The following NCR1 variants were observed in gnomAD, a reference collection of about 807,000 sequenced individuals.
NCR1 encodes NK cell-activating receptor.
In NCR1, 30 loss-of-function variants were observed where a neutral mutation model predicts 32.5. The observed-to-expected ratio is 0.92, with a 90% CI of 0.69 to 1.25. The LOEUF is 1.25. NCR1 is among the 50% of genes most tolerant of loss of function. The probability of loss-of-function intolerance (pLI) is 0.00; values close to 1 mark genes in which losing one functional copy is unlikely to be tolerated. For synonymous variants in NCR1, 169 were observed against 143.4 expected, an observed-to-expected ratio of 1.18 and a Z score of -1.28; for missense variants, 369 against 380.7, an observed-to-expected ratio of 0.97 and a Z score of 0.26.
chr19:54,937,209 C>T, the NCR1 span, among the ~76,000 whole-genome samples: 8 of 146,238 alleles, frequency 5.5e-5, no homozygotes, highest in Non-Finnish European at 9.0e-5. Flanking sequence ...CATAGCGAGA[C>T]TGTCTCAAAA....
At chr19:54,906,966 G>A (rs1437251165) in intron 3 of NCR1, among the ~76,000 whole-genome samples, 159 bp downstream of exon 3, 1 of 152,178 alleles carries the variant, frequency 6.6e-6, no homozygotes, top group East Asian at 1.9e-4. Context: ...ACAAGGGGTT[G>A]TCTGCAGACC....
At chr19:54,927,850 G>T in the NCR1 span, 1 of 1,342,766 alleles carries the variant, frequency 7.4e-7, no homozygotes. Context: ...CCAACACTTC[G>T]GGAGGCCAAG....
the NCR1 span, among the ~76,000 whole-genome samples, chr19:54,899,876 C>T: frequency 0.12 from 17,727 of 152,112 alleles, 1,135 homozygotes; most frequent in South Asian, 0.17. Flanking sequence ...CCATGACCGG[C>T]GCTGGAGTTT....
At chr19:54,903,398 ATATG>A (rs202006046), upstream of NCR1, among the ~76,000 whole-genome samples, 711 of 144,950 alleles carry the variant, frequency 4.9e-3, 9 homozygotes, top group Non-Finnish European at 8.2e-3. Flanking sequence ...ACATATATGT[ATATG>A]TATGTATACA....
chr19:54,937,900 CAAAAAAAAAA>C, the NCR1 span: 3 of 511,368 alleles, frequency 5.9e-6, no homozygotes, highest in South Asian at 2.0e-5. Context: ...TCCGTCTCAC[CAAAAAAAAAA>C]AAAAAAAAAA....
At chr19:54,936,749 T>C in the NCR1 span, among the ~76,000 whole-genome samples, 3 of 152,028 alleles carry the variant, frequency 2.0e-5, no homozygotes, top group Non-Finnish European at 4.4e-5. Context: ...GCCCCGTCTC[T>C]ACTAAAAATA....
downstream of NCR1, among the ~76,000 whole-genome samples, chr19:54,914,613 A>G (rs2068095110): frequency 6.6e-6 from 1 of 152,152 alleles, no homozygotes; most frequent in Non-Finnish European, 1.5e-5. Flanking sequence ...TGCTGGAATT[A>G]CAGGTGTGAG....
In NCR1 at chr19:54,909,482, C is replaced by T. The variant is rs2067841538; in HGVS notation, c.593C>T (p.Ala198Val). The part of the protein sequence containing the change: ...YRCFGSYNNH[A>V]WSFPSEPVKL... ...TGTTTTGGCTCCTATAACAACCATG[C>T]CTGGTCTTTCCCCAGTGAGCCAGTG... The change falls in exon 4 of 7, where the codon GCC becomes GTC. Residue 198 changes from alanine (A) to valine (V), a missense_variant. Coordinates refer to ENST00000291890, the MANE Select transcript of NCR1 (RefSeq NM_004829.7). 1.9e-6 allele frequency: 3 copies of T among 1,609,230 alleles called. No homozygotes were observed. Among genetic ancestry groups the T allele is most frequent in the Non-Finnish European group, 2.5e-6 (3 of 1,179,898 alleles).
At chr19:54,916,107 A>G (rs2068126264), downstream of NCR1, 2 of 151,556 alleles carry the variant, frequency 1.3e-5, no homozygotes, top group African/African-American at 4.8e-5. Context: ...CAAGAGTGTA[A>G]TCCTATGCTT....
At position 54,906,481 on chromosome 19, in the gene NCR1, G is replaced by T. The variant is rs587766561; in HGVS notation, c.71-42G>T. On this transcript the variant is annotated intron_variant, in intron 2 of 6. Coordinates refer to ENST00000291890, the MANE Select transcript of NCR1 (RefSeq NM_004829.7). ...GCTGGGTGGAGCCTAAGGTTGGGGG[G>T]AGGGGGCTCCGCTGGAACTCCAGCC... is the stretch of plus-strand genomic sequence containing the variant. The T allele has an allele frequency of 2.5e-6, 4 of 1,599,654 alleles. No homozygotes were observed. In the African/African-American group the frequency reaches 4.0e-5, roughly 16 times the overall value.
chr19:54,927,852 GAGGCCA>G, the NCR1 span: 1 of 1,346,050 alleles, frequency 7.4e-7, no homozygotes, highest in Non-Finnish European at 1.1e-6. Flanking sequence ...AACACTTCGG[GAGGCCA>G]AGGCGGGTGG....
chr19:54,898,391 G>A, the NCR1 span, among the ~76,000 whole-genome samples: 143 of 152,290 alleles, frequency 9.4e-4, 3 homozygotes, highest in East Asian at 0.026. Flanking sequence ...TGGCAGCTGC[G>A]GTTCAGGCGT....
upstream of NCR1, chr19:54,906,044 G>A: frequency 1.0e-6 from 1 of 971,896 alleles, no homozygotes. Flanking sequence ...GAGGGGAGTT[G>A]TGAACGTTCT....
At chr19:54,937,736 A>C in the NCR1 span, among the ~76,000 whole-genome samples, 1 of 152,064 alleles carries the variant, frequency 6.6e-6, no homozygotes, top group Non-Finnish European at 1.5e-5. Context: ...TGTCTGTGCT[A>C]AAAGTACAAA....
chr19:54,902,212 C>T (rs2067312610), upstream of NCR1, among the ~76,000 whole-genome samples: 1 of 151,916 alleles, frequency 6.6e-6, no homozygotes, highest in Admixed American at 6.6e-5. Context: ...ACACTTTCTT[C>T]GGGGAGAGAG....
At chr19:54,923,776 C>G in the NCR1 span, 50 of 1,613,708 alleles carry the variant, frequency 3.1e-5, no homozygotes, top group Non-Finnish European at 2.5e-5. Context: ...GTGCCGTTGC[C>G]CCGGAAGCAT....
the NCR1 span, among the ~76,000 whole-genome samples, chr19:54,924,378 T>C: frequency 6.6e-6 from 1 of 152,226 alleles, no homozygotes; most frequent in African/African-American, 2.4e-5. Flanking sequence ...GTCCCAGCAC[T>C]TTGGGAGGCC....
chr19:54,930,551 A>G, the NCR1 span: 3 of 1,612,804 alleles, frequency 1.9e-6, no homozygotes, highest in Admixed American at 1.7e-5. Context: ...CAGAGAATCC[A>G]CAATCCACGA....
chr19:54,922,797 A>AAAAAAAAAC, the NCR1 span, among the ~76,000 whole-genome samples: 1 of 146,756 alleles, frequency 6.8e-6, no homozygotes, highest in Non-Finnish European at 1.5e-5. Context: ...AAACAAAAAA[A>AAAAAAAAAC]AAAAACGAAA....
Sources: gnomAD v4.1 joint callset for allele counts (sites outside exome capture counted in the v4.1 genomes callset) on GRCh38, gnomAD v4.1.1 for gene constraint, MANE v1.5 for transcripts, NCBI Gene and HGNC (gene_info 2026-07-23, HGNC 2026-07-21) for gene names.